Variants in P4HA2 observed in about 807,000 individuals in gnomAD.
P4HA2 encodes the protein prolyl 4-hydroxylase subunit alpha 2.
A neutral mutation model predicts 76.9 loss-of-function variants in P4HA2; 46 were observed. The observed-to-expected ratio is 0.60, with a 90% confidence interval of 0.47 to 0.76. The LOEUF (loss-of-function observed/expected upper bound fraction) is 0.76, where lower values mean the gene tolerates loss of function less well. P4HA2 is among the 30% of genes least tolerant of loss of function. The pLI, the probability that P4HA2 is intolerant of heterozygous loss-of-function variation, is 0.00. For synonymous variants in P4HA2, 243 were observed against 254.0 expected (o/e 0.96, Z 0.41); for missense variants, 583 against 669.4 (o/e 0.87, Z 1.42).
chr5:132,215,451 C>T (rs932849201), intron 4 of P4HA2, among the ~76,000 whole-genome samples: 3 of 152,192 alleles, frequency 2.0e-5, no homozygotes, highest in Non-Finnish European at 4.4e-5. Context: ...CAGCCTGTCC[C>T]GAGCTGCAGG....
intron 1 of P4HA2, among the ~76,000 whole-genome samples, chr5:132,220,654 C>T (rs755828251): frequency 6.6e-6 from 1 of 152,246 alleles, no homozygotes; most frequent in African/African-American, 2.4e-5. Flanking sequence ...AGCCAGGTTT[C>T]TTCATTACAT....
Position 132,213,995 on chromosome 5 carries a change from T to C in P4HA2, c.390A>G (p.Ile130Met), listed in dbSNP as rs1753497413. Reference sequence around the variant, plus strand: ...GTCTCATCAGGGCTTTGGCAGCTCCTATCTCGTCCTCATCAGTGGGGAAGA... The same window carrying C: ...GTCTCATCAGGGCTTTGGCAGCTCCCATCTCGTCCTCATCAGTGGGGAAGA... ...RQFFPTDEDE[I>M]GAAKALMRLQ... is the part of the protein sequence containing the mutation. The change falls in exon 5 of 15, where the codon ATA becomes ATG. Residue 130 changes from isoleucine (I) to methionine (M), a missense_variant. Transcript: ENST00000360568. 6.2e-7 allele frequency: 1 copy of C among 1,613,468 alleles called. No homozygotes were observed. The highest frequency in any genetic ancestry group is 8.5e-7 in the Non-Finnish European group (1 of 1,179,342).
Position 132,218,647 on chromosome 5 carries a change from G to A in P4HA2, c.-18-3C>T. On this transcript the variant is annotated splice_polypyrimidine_tract_variant and splice_region_variant and intron_variant, in intron 1 of 14. Transcript: ENST00000360568. ...TTCATGGTCACAGAGGGAAGTGTCT[G>A]AAAGGCATTCAATGACAATCACTGG... 6.3e-7 allele frequency: 1 copy of A among 1,579,964 alleles called. No individual in the cohort carries two copies. Among genetic ancestry groups the A allele is most frequent in the Non-Finnish European group, 8.7e-7 (1 of 1,148,988 alleles).
At position 132,190,370 on chromosome 5, in the gene P4HA2, T is replaced by G. The variant is rs1749803416; in HGVS notation, c.*2640A>C. The stretch of plus-strand genomic sequence containing the variant: ...ACATTTCCCAGATTCCCTTATCAGC[T>G]GGCTTCCTGTTAGGGTCTACCAATG... On this transcript the variant is annotated 3_prime_UTR_variant, in exon 15 of 15. Transcript: ENST00000360568. 6.6e-6 allele frequency among the ~76,000 whole-genome samples: 1 copy of G among 152,212 alleles called. No individual in the cohort carries two copies. The highest frequency in any genetic ancestry group is 1.5e-5 in the Non-Finnish European group (1 of 68,028).
intron 1 of P4HA2, among the ~76,000 whole-genome samples, chr5:132,218,875 G>C (rs991206554): frequency 6.6e-6 from 1 of 152,196 alleles, no homozygotes; most frequent in Non-Finnish European, 1.5e-5. Flanking sequence ...CCTGCGGAGA[G>C]AGCCCATCCT....
At chr5:132,193,176 G>T in intron 14 of P4HA2, 96 bp from the exon 15 acceptor site, 1 of 793,318 alleles carries the variant, frequency 1.3e-6, no homozygotes, top group Non-Finnish European at 2.2e-6. Context: ...CTGTGCCCTG[G>T]AATCAGACAC....
chr5:132,225,323 G>GCC lies in P4HA2; in HGVS notation c.-19+2465_-19+2466dup, dbSNP rs545207513. ...AGTAAACTCTTGACAGACCCCAGGA[G>GCC]CCAGGGACACACCTCCTAGCCCTCT... On this transcript the variant is annotated intron_variant, in intron 1 of 14. Coordinates refer to ENST00000360568, the MANE Select transcript of P4HA2 (RefSeq NM_001017974.2). Among the ~76,000 whole-genome samples, 81 of 152,292 alleles carry GCC rather than the reference G, an allele frequency of 5.3e-4. 1 individual carries two copies. The highest frequency in any genetic ancestry group is 6.8e-3 in the Middle Eastern group (2 of 294).
At chr5:132,200,228 G>A (rs1751292619) in intron 10 of P4HA2, 1 of 152,180 alleles carries the variant, frequency 6.6e-6, no homozygotes, top group East Asian at 1.9e-4. Context: ...AGAAATGCAA[G>A]AAAGAAAGGG....
chr5:132,199,216 C>A (rs980383485), intron 10 of P4HA2, among the ~76,000 whole-genome samples: 1 of 152,246 alleles, frequency 6.6e-6, no homozygotes. Flanking sequence ...ACCAGCCCTT[C>A]ATGGACACTC....
At chr5:132,216,998 C>T (rs1753987961) in intron 4 of P4HA2, among the ~76,000 whole-genome samples, 199 bp downstream of exon 4, 1 of 152,146 alleles carries the variant, frequency 6.6e-6, no homozygotes, top group African/African-American at 2.4e-5. Context: ...AACTGAACAT[C>T]ATTACATGTT....
At chr5:132,196,860 C>CAAAA (rs34410092) in intron 12 of P4HA2, among the ~76,000 whole-genome samples, 3,170 of 99,842 alleles carry the variant, frequency 0.032, 199 homozygotes, top group African/African-American at 0.12. Context: ...GAGTCTGTCT[C>CAAAA]AAAAAAAAAA....
intron 1 of P4HA2, among the ~76,000 whole-genome samples, chr5:132,219,333 C>T (rs1221417497): frequency 6.6e-6 from 1 of 152,218 alleles, no homozygotes; most frequent in African/African-American, 2.4e-5. Flanking sequence ...CATTCATTCA[C>T]AAATATTTAC....
chr5:132,196,032 T>C (rs1750592173), intron 12 of P4HA2, among the ~76,000 whole-genome samples: 1 of 152,196 alleles, frequency 6.6e-6, no homozygotes, highest in African/African-American at 2.4e-5. Context: ...CTTTCTCCTA[T>C]GGTAAGGCCT....
chr5:132,197,608 CAAAAAAAAAAA>C (rs555319735), intron 12 of P4HA2, among the ~76,000 whole-genome samples: 2 of 55,202 alleles, frequency 3.6e-5, no homozygotes, highest in Non-Finnish European at 7.2e-5. Flanking sequence ...ACTCCATCTC[CAAAAAAAAAAA>C]AAAAAAAAAA....
At chr5:132,207,543 C>G (rs1249342437) in intron 8 of P4HA2, among the ~76,000 whole-genome samples, 165 bp downstream of exon 8, 1 of 152,164 alleles carries the variant, frequency 6.6e-6, no homozygotes, top group Non-Finnish European at 1.5e-5. Context: ...CATGAACTCA[C>G]AAGGTCAGGC....
At chr5:132,211,560 C>T (rs571301903) in intron 5 of P4HA2, among the ~76,000 whole-genome samples, 3 of 152,248 alleles carry the variant, frequency 2.0e-5, no homozygotes, top group East Asian at 1.9e-4. Flanking sequence ...GAACCAATAA[C>T]GAGGAATAGG....
At chr5:132,196,084 C>T (rs562417694) in intron 12 of P4HA2, among the ~76,000 whole-genome samples, 1 of 152,340 alleles carries the variant, frequency 6.6e-6, no homozygotes, top group South Asian at 2.1e-4. Context: ...CAAGGCTGTA[C>T]TCATGCCCAC....
intron 6 of P4HA2, 116 bp downstream of exon 6, chr5:132,210,168 C>G: frequency 8.4e-7 from 1 of 1,186,794 alleles, no homozygotes; most frequent in Non-Finnish European, 1.2e-6. Flanking sequence ...TAGTCACTGG[C>G]CAAGTGACAG....
intron 12 of P4HA2, among the ~76,000 whole-genome samples, chr5:132,196,860 CAAA>C (rs34410092): frequency 3.0e-5 from 3 of 100,024 alleles, no homozygotes; most frequent in Non-Finnish European, 1.9e-5. Flanking sequence ...GAGTCTGTCT[CAAA>C]AAAAAAAAAA....
Sources: gnomAD v4.1 joint callset for allele counts (sites outside exome capture counted in the v4.1 genomes callset) on GRCh38, gnomAD v4.1.1 for gene constraint, MANE v1.5 for transcripts, NCBI Gene and HGNC (gene_info 2026-07-23, HGNC 2026-07-21) for gene names.